The following CCDC102B variants were observed in gnomAD, a reference collection of about 807,000 sequenced individuals.
CCDC102B encodes coiled-coil domain containing 102B.
A neutral mutation model predicts 57.4 loss-of-function variants in CCDC102B; 75 were observed. The ratio of observed to expected loss-of-function variants is 1.31; its 90% confidence interval spans 1.08 to 1.58. CCDC102B has a LOEUF of 1.58. CCDC102B is among the 40% of genes most tolerant of loss of function. The probability of loss-of-function intolerance (pLI) is 0.00; values close to 1 mark genes in which losing one functional copy is unlikely to be tolerated. For synonymous variants in CCDC102B, 206 were observed against 201.9 expected (o/e 1.02, Z -0.17); for missense variants, 636 against 582.6 (o/e 1.09, Z -0.94).
chr18:68,815,741 T>G (rs2036449521), intron 1 of CCDC102B, among the ~76,000 whole-genome samples: 1 of 151,456 alleles, frequency 6.6e-6, no homozygotes, highest in Non-Finnish European at 1.5e-5. Flanking sequence ...TTGCACAAAC[T>G]TCTTTTTTTC....
In CCDC102B at chr18:68,846,302, A is replaced by G. The variant is rs1269803598; in HGVS notation, c.828-11A>G. ...GCCGACTTTTTTTCTTTTAATTCTTAAATTATTTAGAATGCGCACAGCTTT... is the reference window on the plus strand; with the variant it reads ...GCCGACTTTTTTTCTTTTAATTCTTGAATTATTTAGAATGCGCACAGCTTT... On this transcript the variant is annotated splice_polypyrimidine_tract_variant and intron_variant, in intron 3 of 7. Coordinates refer to ENST00000360242, the MANE Select transcript of CCDC102B (RefSeq NM_024781.3). 3.4e-6 allele frequency: 5 copies of G among 1,463,626 alleles called. No homozygotes were observed. Among genetic ancestry groups the G allele is most frequent in the Non-Finnish European group, 4.5e-6 (5 of 1,107,778 alleles). The allele number at this position is 1,463,626 out of a possible 1,614,324, so 90.7% of individuals were successfully genotyped here.
chr18:68,755,426 A>G (rs1393714335), intron 2 of CCDC102B, among the ~76,000 whole-genome samples: 1 of 152,170 alleles, frequency 6.6e-6, no homozygotes, highest in Non-Finnish European at 1.5e-5. Flanking sequence ...AATCTATGAA[A>G]AATTCCATGC....
At chr18:68,799,437 T>C (rs896567020) in intron 1 of CCDC102B, among the ~76,000 whole-genome samples, 1 of 152,124 alleles carries the variant, frequency 6.6e-6, no homozygotes, top group Non-Finnish European at 1.5e-5. Context: ...GGCCTCACTA[T>C]GGGTTTGGCT....
chr18:68,774,149 T>A (rs977020525), intron 2 of CCDC102B, among the ~76,000 whole-genome samples: 20 of 152,004 alleles, frequency 1.3e-4, no homozygotes, highest in African/African-American at 2.4e-5. Flanking sequence ...CTTTTTAATC[T>A]TAGTATCTTT....
At chr18:68,804,236 A>G (rs2035953845) in intron 1 of CCDC102B, among the ~76,000 whole-genome samples, 1 of 152,168 alleles carries the variant, frequency 6.6e-6, no homozygotes, top group African/African-American at 2.4e-5. Flanking sequence ...GAAGAGTGAA[A>G]TGTGCATTTA....
At chr18:68,747,703 T>C (rs1380214481) in intron 2 of CCDC102B, among the ~76,000 whole-genome samples, 11 of 152,174 alleles carry the variant, frequency 7.2e-5, no homozygotes, top group Non-Finnish European at 1.6e-4. Flanking sequence ...AGGACCTTCT[T>C]CTTTTCAAAG....
chr18:68,955,924 AC>A (rs2049832515), intron 6 of CCDC102B, among the ~76,000 whole-genome samples: 1 of 152,042 alleles, frequency 6.6e-6, no homozygotes, highest in Admixed American at 6.6e-5. Flanking sequence ...CAATCCAATT[AC>A]ACTCTTTTAG....
intron 7 of CCDC102B, among the ~76,000 whole-genome samples, chr18:69,031,171 T>C (rs2052131451): frequency 6.6e-6 from 1 of 152,200 alleles, no homozygotes; most frequent in Admixed American, 6.6e-5. Context: ...CATTTTAGAA[T>C]TGGAAGGATA....
At chr18:68,843,845 A>G (rs1389424799) in intron 3 of CCDC102B, among the ~76,000 whole-genome samples, 2 of 152,050 alleles carry the variant, frequency 1.3e-5, no homozygotes, top group African/African-American at 4.8e-5. Flanking sequence ...TCTGAAACAC[A>G]GAATAAAATG....
intron 2 of CCDC102B, among the ~76,000 whole-genome samples, chr18:68,743,821 T>G (rs1293097443): frequency 1.3e-5 from 2 of 152,188 alleles, no homozygotes; most frequent in Non-Finnish European, 2.9e-5. Flanking sequence ...GTCTGATTAT[T>G]TAGAAGAAAG....
chr18:68,822,739 G>A (rs558107713), intron 1 of CCDC102B, among the ~76,000 whole-genome samples: 1 of 152,246 alleles, frequency 6.6e-6, no homozygotes, highest in Admixed American at 6.5e-5. Flanking sequence ...TTGGTTTTCT[G>A]TTCTTGCATT....
At chr18:68,942,968 TG>T (rs1421107919) in intron 6 of CCDC102B, among the ~76,000 whole-genome samples, 1 of 133,022 alleles carries the variant, frequency 7.5e-6, no homozygotes, top group Non-Finnish European at 1.7e-5. Flanking sequence ...CCTGGGTACT[TG>T]AGAGTAGGGA....
At chr18:68,730,171 A>T (rs1457133041) in intron 2 of CCDC102B, among the ~76,000 whole-genome samples, 1 of 152,186 alleles carries the variant, frequency 6.6e-6, no homozygotes. Flanking sequence ...CTAAATATAA[A>T]ATGTGATATT....
intron 1 of CCDC102B, among the ~76,000 whole-genome samples, chr18:68,828,091 G>A (rs113980989): frequency 6.6e-6 from 1 of 151,444 alleles, no homozygotes; most frequent in Non-Finnish European, 1.5e-5. Flanking sequence ...AAACAGGTAG[G>A]GCTGAAAAGA....
chr18:69,048,450 A>T (rs191429183), intron 7 of CCDC102B, among the ~76,000 whole-genome samples: 1 of 152,216 alleles, frequency 6.6e-6, no homozygotes, highest in Admixed American at 6.5e-5. Context: ...AGAAAAGTGA[A>T]ATCAACAAAT....
chr18:68,832,019 G>GTGCTTTTAATTCATTGTGTTGTT (rs2037162655), intron 1 of CCDC102B, among the ~76,000 whole-genome samples: 1 of 151,532 alleles, frequency 6.6e-6, no homozygotes, highest in African/African-American at 2.4e-5. Flanking sequence ...TTGTTTCTTA[G>GTGCTTTTAATTCATTGTGTTGTT]CATTGTGCTT....
intron 6 of CCDC102B, among the ~76,000 whole-genome samples, chr18:68,928,081 G>A (rs1187298300): frequency 6.6e-6 from 1 of 151,856 alleles, no homozygotes; most frequent in African/African-American, 2.4e-5. Flanking sequence ...TCTTTTCTAA[G>A]CCTCATTTTC....
chr18:69,029,168 C>T (rs2052071837), intron 7 of CCDC102B, among the ~76,000 whole-genome samples: 1 of 152,128 alleles, frequency 6.6e-6, no homozygotes, highest in Non-Finnish European at 1.5e-5. Context: ...CAATACCACT[C>T]AGTACTTTTT....
chr18:68,868,695 A>G (rs2039109534), intron 4 of CCDC102B, among the ~76,000 whole-genome samples: 1 of 152,236 alleles, frequency 6.6e-6, no homozygotes, highest in Non-Finnish European at 1.5e-5. Flanking sequence ...GATATTCAAT[A>G]CTTATCCCAA....
Sources: allele counts gnomAD v4.1 joint callset (sites outside exome capture counted in the v4.1 genomes callset), GRCh38; gene constraint gnomAD v4.1.1; transcripts MANE v1.5; gene names NCBI Gene and HGNC (gene_info 2026-07-23, HGNC 2026-07-21).